The following MIGA1 variants were observed in gnomAD, a reference collection of about 807,000 sequenced individuals.
MIGA1 encodes the protein family with sequence similarity 73, member A.
MIGA1 carries 58 observed loss-of-function variants against 82.0 expected under a neutral mutation model. The observed-to-expected ratio is 0.71, with a 90% CI of 0.57 to 0.88. MIGA1 has a LOEUF of 0.88. Ranked by LOEUF, MIGA1 falls within the 40% of genes least tolerant of loss-of-function variation. The probability of loss-of-function intolerance (pLI) is 0.00; values close to 1 mark genes in which losing one functional copy is unlikely to be tolerated. For missense variants in MIGA1, 751 were observed against 749.1 expected (o/e 1.00, Z -0.03); for synonymous variants, 249 against 253.6 (o/e 0.98, Z 0.17).
At chr1:77,784,289 A>G (rs1433752717) in intron 2 of MIGA1, among the ~76,000 whole-genome samples, 1 of 152,058 alleles carries the variant, frequency 6.6e-6, no homozygotes, top group East Asian at 1.9e-4. Flanking sequence ...CAGTGGCAAG[A>G]TCATAGCTCA....
At chr1:77,822,641 A>G (rs1404646622) in intron 7 of MIGA1, among the ~76,000 whole-genome samples, 1 of 152,168 alleles carries the variant, frequency 6.6e-6, no homozygotes, top group Non-Finnish European at 1.5e-5. Flanking sequence ...AAATCATTTT[A>G]GTATTGGAAG....
At chr1:77,782,967 G>T (rs570343925) in intron 1 of MIGA1, 2 of 752,704 alleles carry the variant, frequency 2.7e-6, no homozygotes, top group East Asian at 1.3e-4. Context: ...AATTTCCTAA[G>T]GAAAATTTGC....
chr1:77,807,508 A>G (rs780232114), intron 5 of MIGA1, among the ~76,000 whole-genome samples: 3 of 152,176 alleles, frequency 2.0e-5, no homozygotes, highest in Non-Finnish European at 4.4e-5. Flanking sequence ...AGAAGCAACT[A>G]TAATTTTAAA....
chr1:77,787,534 G>A (rs937438960), intron 2 of MIGA1, among the ~76,000 whole-genome samples: 3 of 151,498 alleles, frequency 2.0e-5, no homozygotes, highest in Admixed American at 6.6e-5. Flanking sequence ...GATTACAGGC[G>A]CCTGCCACCA....
At chr1:77,863,748 C>T in intron 12 of MIGA1, 146 bp from the exon 13 acceptor site, 1 of 569,970 alleles carries the variant, frequency 1.8e-6, no homozygotes, top group Non-Finnish European at 2.9e-6. Flanking sequence ...GGCGAGCTTT[C>T]ATATTTATCT....
chr1:77,842,744 G>C (rs1258602748), intron 7 of MIGA1, among the ~76,000 whole-genome samples: 1 of 152,180 alleles, frequency 6.6e-6, no homozygotes, highest in African/African-American at 2.4e-5. Flanking sequence ...GTTTCGCCAT[G>C]TTGGCGAGGC....
At chr1:77,784,846 G>A (rs1682076894) in intron 2 of MIGA1, among the ~76,000 whole-genome samples, 1 of 152,062 alleles carries the variant, frequency 6.6e-6, no homozygotes, top group South Asian at 2.1e-4. Context: ...CTCATATGGC[G>A]GCAGACAAGA....
intron 14 of MIGA1, 102 bp from the exon 15 acceptor site, chr1:77,872,902 C>T (rs1646859320): frequency 6.8e-7 from 1 of 1,466,052 alleles, no homozygotes; most frequent in East Asian, 2.3e-5. Context: ...TTTTCTTAAA[C>T]TCCCACTGGT....
In MIGA1 at chr1:77,878,838, C is replaced by G. The variant is rs1646914574; in HGVS notation, c.*3774C>G. The G allele has an allele frequency of 2.6e-6, 1 of 380,902 alleles. No homozygotes were observed. The highest frequency in any genetic ancestry group is 3.7e-5 in the East Asian group (1 of 27,332). The allele number at this position is 380,902 out of a possible 1,614,324, so 23.6% of individuals were successfully genotyped here. A position where few individuals can be genotyped will look rare whatever the true frequency, so the allele number is the denominator to read the frequency against. Reference sequence around the variant, plus strand: ...GTTTTCCATACTGTCACAGTAAGCTCCAAAGAACTTTGTCTTTCTCATAAA... The same window carrying G: ...GTTTTCCATACTGTCACAGTAAGCTGCAAAGAACTTTGTCTTTCTCATAAA... On this transcript the variant is annotated 3_prime_UTR_variant, in exon 16 of 16. Transcript: ENST00000370791.
intron 2 of MIGA1, among the ~76,000 whole-genome samples, chr1:77,789,040 C>T (rs1682296454): frequency 6.6e-6 from 1 of 151,958 alleles, no homozygotes; most frequent in South Asian, 2.1e-4. Flanking sequence ...AATCTATGAA[C>T]ATGGGATGTG....
intron 8 of MIGA1, chr1:77,848,180 A>G: frequency 7.0e-7 from 1 of 1,435,408 alleles, no homozygotes; most frequent in Non-Finnish European, 9.8e-7. Context: ...ACAGGAGACC[A>G]GTCATAGAGA....
intron 2 of MIGA1, among the ~76,000 whole-genome samples, chr1:77,798,993 A>G (rs1682770717): frequency 6.6e-6 from 1 of 152,130 alleles, no homozygotes; most frequent in Non-Finnish European, 1.5e-5. Flanking sequence ...TCTTTAGCTG[A>G]TATTATGGTA....
intron 1 of MIGA1, among the ~76,000 whole-genome samples, chr1:77,782,077 C>T (rs1213988723): frequency 2.0e-5 from 3 of 151,994 alleles, no homozygotes; most frequent in Non-Finnish European, 4.4e-5. Context: ...AGCAATCCAC[C>T]CATCTCGGCC....
intron 2 of MIGA1, among the ~76,000 whole-genome samples, chr1:77,795,484 C>T (rs1445623536): frequency 6.6e-6 from 1 of 152,008 alleles, no homozygotes. Context: ...TGGGCACCCA[C>T]TGCCATACCC....
At chr1:77,863,802 C>A in intron 12 of MIGA1, 92 bp from the exon 13 acceptor site, 1 of 863,938 alleles carries the variant, frequency 1.2e-6, no homozygotes, top group Non-Finnish European at 1.7e-6. Context: ...TAAAAAAAAC[C>A]CCTGCTGTTA....
intron 14 of MIGA1, among the ~76,000 whole-genome samples, chr1:77,868,936 ATTTATTTT>A (rs939893639): frequency 2.7e-5 from 4 of 147,542 alleles, no homozygotes; most frequent in African/African-American, 1.0e-4. Flanking sequence ...TTTTTAATTT[ATTTATTTT>A]TTTTTTTTAT....
At chr1:77,859,940 A>T in intron 10 of MIGA1, 100 bp from the exon 11 acceptor site, 1 of 707,714 alleles carries the variant, frequency 1.4e-6, no homozygotes, top group Non-Finnish European at 2.4e-6. Flanking sequence ...CACCACATGC[A>T]ATGCATTAAC....
intron 14 of MIGA1, among the ~76,000 whole-genome samples, chr1:77,867,577 C>T (rs1557937775): frequency 1.3e-5 from 2 of 152,166 alleles, no homozygotes; most frequent in Admixed American, 1.3e-4. Flanking sequence ...ATCTTCCAGT[C>T]TCGGCCTCCC....
intron 3 of MIGA1, 66 bp downstream of exon 3, chr1:77,801,574 T>C: frequency 7.1e-7 from 1 of 1,414,586 alleles, no homozygotes. Context: ...ACAGTGATTT[T>C]GGTCTTTTAG....
Sources: gnomAD v4.1 joint callset for allele counts (sites outside exome capture counted in the v4.1 genomes callset) on GRCh38, gnomAD v4.1.1 for gene constraint, MANE v1.5 for transcripts, NCBI Gene and HGNC (gene_info 2026-07-23, HGNC 2026-07-21) for gene names.